Variants in SEMA6D observed in about 807,000 individuals in gnomAD.
The protein encoded by SEMA6D is semaphorin-6D.
In SEMA6D, 35 loss-of-function variants were observed where a neutral mutation model predicts 106.6. The ratio of observed to expected loss-of-function variants is 0.33; its 90% CI spans 0.25 to 0.44. The LOEUF (loss-of-function observed/expected upper bound fraction) is 0.44, where lower values mean the gene tolerates loss of function less well. SEMA6D is among the 20% of genes least tolerant of loss of function. The probability of loss-of-function intolerance (pLI) is 1.00; values close to 1 mark genes in which losing one functional copy is unlikely to be tolerated. For missense variants in SEMA6D, 1,185 were observed against 1,345.9 expected (o/e 0.88, Z 1.87); for synonymous variants, 499 against 487.7 (o/e 1.02, Z -0.31).
At chr15:47,534,953 A>C (rs2045105858) in intron 3 of SEMA6D, among the ~76,000 whole-genome samples, 1 of 152,012 alleles carries the variant, frequency 6.6e-6, no homozygotes, top group Non-Finnish European at 1.5e-5. Flanking sequence ...TGTAATATTA[A>C]GCTCAGGAAA....
intron 2 of SEMA6D, among the ~76,000 whole-genome samples, chr15:47,431,492 A>G (rs2041521487): frequency 6.6e-6 from 1 of 152,062 alleles, no homozygotes; most frequent in South Asian, 2.1e-4. Context: ...TCTTCCCACT[A>G]TTCAACAAAC....
At chr15:47,261,987 A>G (rs986738482) in intron 1 of SEMA6D, among the ~76,000 whole-genome samples, 2 of 152,092 alleles carry the variant, frequency 1.3e-5, no homozygotes, top group African/African-American at 2.4e-5. Context: ...ACTATAAACA[A>G]TCTTATACAG....
At chr15:47,269,147 T>C (rs1163235046) in intron 1 of SEMA6D, among the ~76,000 whole-genome samples, 2 of 152,174 alleles carry the variant, frequency 1.3e-5, no homozygotes, top group Non-Finnish European at 2.9e-5. Flanking sequence ...TTTTTTTAAA[T>C]GTTAGTTTAC....
intron 4 of SEMA6D, among the ~76,000 whole-genome samples, chr15:47,610,711 CA>C (rs1370022965): frequency 6.6e-6 from 1 of 152,100 alleles, no homozygotes; most frequent in African/African-American, 2.4e-5. Flanking sequence ...ATATAAGTAG[CA>C]ATACTCTATG....
At chr15:47,606,868 T>A (rs1268862355) in intron 4 of SEMA6D, among the ~76,000 whole-genome samples, 1 of 152,190 alleles carries the variant, frequency 6.6e-6, no homozygotes, top group Non-Finnish European at 1.5e-5. Context: ...GGGCTATGTG[T>A]CCCATTCAGA....
chr15:47,271,934 T>C (rs532434800), intron 1 of SEMA6D, among the ~76,000 whole-genome samples: 1 of 152,328 alleles, frequency 6.6e-6, no homozygotes, highest in South Asian at 2.1e-4. Flanking sequence ...AGCATTTCAC[T>C]AGACTTTCTT....
At chr15:47,370,582 C>T (rs887224868) in intron 1 of SEMA6D, among the ~76,000 whole-genome samples, 5 of 149,814 alleles carry the variant, frequency 3.3e-5, no homozygotes, top group Non-Finnish European at 5.9e-5. Context: ...CGGTGGCTCA[C>T]GCCTGTAATC....
intron 1 of SEMA6D, chr15:47,730,217 A>G: frequency 6.5e-7 from 1 of 1,540,642 alleles, no homozygotes. Context: ...CTTAGGATCC[A>G]GGACGTTGCC....
At chr15:47,394,103 C>T (rs986700500) in intron 1 of SEMA6D, among the ~76,000 whole-genome samples, 13 of 152,064 alleles carry the variant, frequency 8.5e-5, no homozygotes, top group African/African-American at 3.1e-4. Context: ...AAGCTGTAGC[C>T]CTTGTCATGG....
intron 1 of SEMA6D, among the ~76,000 whole-genome samples, chr15:47,254,844 CTG>C (rs1402871585): frequency 6.9e-6 from 1 of 144,620 alleles, no homozygotes; most frequent in East Asian, 2.0e-4. Flanking sequence ...GTTTTTATGT[CTG>C]TGTTCATCAG....
intron 1 of SEMA6D, among the ~76,000 whole-genome samples, chr15:47,191,050 G>C (rs754419615): frequency 6.6e-5 from 10 of 152,012 alleles, no homozygotes; most frequent in Non-Finnish European, 8.8e-5. Flanking sequence ...ATACACGCCT[G>C]TACTCCCCAC....
intron 1 of SEMA6D, among the ~76,000 whole-genome samples, chr15:47,264,589 T>C (rs1369528432): frequency 6.6e-6 from 1 of 152,072 alleles, no homozygotes; most frequent in African/African-American, 2.4e-5. Flanking sequence ...GTGCATGTTT[T>C]ATCATAACCA....
chr15:47,415,729 G>C (rs962813931), intron 2 of SEMA6D, among the ~76,000 whole-genome samples: 11 of 152,276 alleles, frequency 7.2e-5, no homozygotes, highest in African/African-American at 2.6e-4. Flanking sequence ...AATATGAGTT[G>C]GGGGTGGGGG....
chr15:47,667,932 A>T (rs2078060342), intron 4 of SEMA6D, among the ~76,000 whole-genome samples: 1 of 152,216 alleles, frequency 6.6e-6, no homozygotes, highest in African/African-American at 2.4e-5. Flanking sequence ...AGGTGCCAAG[A>T]ACAGGAAAGT....
chr15:47,624,747 A>G (rs1367283988), intron 4 of SEMA6D, among the ~76,000 whole-genome samples: 1 of 152,204 alleles, frequency 6.6e-6, no homozygotes, highest in African/African-American at 2.4e-5. Flanking sequence ...GGACAAATTC[A>G]TATTTCCCAG....
At chr15:47,334,369 C>T (rs1207228046) in intron 1 of SEMA6D, among the ~76,000 whole-genome samples, 1 of 152,148 alleles carries the variant, frequency 6.6e-6, no homozygotes, top group African/African-American at 2.4e-5. Context: ...CATTTAAAGC[C>T]TGTCAGTCAG....
intron 4 of SEMA6D, among the ~76,000 whole-genome samples, chr15:47,610,088 G>T (rs1271081858): frequency 1.3e-5 from 2 of 152,200 alleles, no homozygotes; most frequent in East Asian, 1.9e-4. Flanking sequence ...TTAAAGAGGG[G>T]TCTTACTAAG....
At chr15:47,665,884 A>C (rs1596570886) in intron 4 of SEMA6D, among the ~76,000 whole-genome samples, 1 of 152,334 alleles carries the variant, frequency 6.6e-6, no homozygotes, top group East Asian at 1.9e-4. Context: ...ATCACCAATA[A>C]CACTCCCATT....
At position 47,763,083 on chromosome 15, in the gene SEMA6D, C is replaced by G; in HGVS notation, c.726C>G (p.Val242=). 2 of 1,612,034 alleles carry G rather than the reference C, an allele frequency of 1.2e-6. No individual in the cohort carries two copies. The highest frequency in any genetic ancestry group is 2.2e-5 in the South Asian group (2 of 90,846). ...ATTTCTTCTTTCGAGAAATCGCTGT[C>G]GAACATAATAATTTAGGCAAGGCAA... ...YVYFFFREIA[V]EHNNLGKAVY... is the part of the protein sequence containing the mutation. The change falls in exon 9 of 19, where the codon GTC becomes GTG. Residue 242 remains valine (V), a synonymous_variant. Transcript: ENST00000536845.
Sources: allele counts gnomAD v4.1 joint callset (sites outside exome capture counted in the v4.1 genomes callset), GRCh38; gene constraint gnomAD v4.1.1; transcripts MANE v1.5; gene names NCBI Gene and HGNC (gene_info 2026-07-23, HGNC 2026-07-21).